Variants in TICAM1 observed in about 807,000 individuals in gnomAD.
TICAM1 encodes TIR domain-containing adapter molecule 1.
For synonymous variants in TICAM1, 439 were observed against 415.4 expected (o/e 1.06, Z -0.69); for missense variants, 895 against 938.2 (o/e 0.95, Z 0.60).
chr19:4,830,338 A>G (rs2093612081), intron 1 of TICAM1, among the ~76,000 whole-genome samples: 1 of 151,898 alleles, frequency 6.6e-6, no homozygotes, highest in Non-Finnish European at 1.5e-5. Flanking sequence ...TCAGCCTCCC[A>G]AAGTGTTGGG....
At chr19:4,821,030 T>TTAA (rs1555730621) in intron 1 of TICAM1, among the ~76,000 whole-genome samples, 1 of 140,498 alleles carries the variant, frequency 7.1e-6, no homozygotes, top group African/African-American at 2.6e-5. Context: ...CCGTCTCTAG[T>TTAA]AAAAAAAAAA....
intron 1 of TICAM1, among the ~76,000 whole-genome samples, chr19:4,819,404 G>A (rs533148979): frequency 6.6e-6 from 1 of 152,316 alleles, no homozygotes; most frequent in East Asian, 1.9e-4. Context: ...CTTGCCCAAA[G>A]TCACACTATC....
In TICAM1 at chr19:4,821,002, G is replaced by A. The variant is rs974458922; in HGVS notation, c.-139-2486C>T. On this transcript the variant is annotated intron_variant, in intron 1 of 1. Transcript: ENST00000248244. ...AGGTCATGAGTTCAAGATCAGCCTG[G>A]TCAACACGGTGAAACTCCCGTCTCT... Among the ~76,000 whole-genome samples, 13 of 145,552 alleles carry A rather than the reference G, an allele frequency of 8.9e-5. No individual in the cohort carries two copies. In the South Asian group the frequency reaches 1.1e-3, roughly 12 times the overall value.
At chr19:4,826,330 T>C (rs1425050029) in intron 1 of TICAM1, among the ~76,000 whole-genome samples, 2 of 151,558 alleles carry the variant, frequency 1.3e-5, no homozygotes, top group African/African-American at 4.8e-5. Context: ...TATTTATTTA[T>C]TTATATATTT....
chr19:4,816,746 C>CTGT lies in TICAM1; in HGVS notation c.1629_1631dup (p.Gln544dup), dbSNP rs1568365020. On this transcript the variant is annotated inframe_insertion, in exon 2 of 2. Transcript: ENST00000248244. This position sits in a 1 kb window ranked among gnomAD's most constrained non-coding sequence, Gnocchi z 4.3. ...TCTGTTCCCGCAGGGCTCGGGTGTC[C>CTGT]TGTTCCTTCCTCCACATGGCCTTTC... 6 of 1,613,804 alleles carry CTGT rather than the reference C, an allele frequency of 3.7e-6. No individual in the cohort carries two copies. In the South Asian group the frequency reaches 6.6e-5, roughly 18 times the overall value.
Position 4,816,221 on chromosome 19 carries a change from T to C in TICAM1, c.*18A>G. 6.7e-7 allele frequency: 1 copy of C among 1,493,600 alleles called. No individual in the cohort carries two copies. The highest frequency in any genetic ancestry group is 2.2e-4 in the Middle Eastern group (1 of 4,478). 92.5% of individuals were successfully genotyped at this position (1,493,600 alleles called of 1,614,324 possible). A position where few individuals can be genotyped will look rare whatever the true frequency, so the allele number is the denominator to read the frequency against. Reference sequence around the variant, plus strand: ...GGGTCCAGGGGTGTTCCCCAGGTGGTCAGGCAAGGACACGCGGTCATTCTG... The same window carrying C: ...GGGTCCAGGGGTGTTCCCCAGGTGGCCAGGCAAGGACACGCGGTCATTCTG... On this transcript the variant is annotated 3_prime_UTR_variant, in exon 2 of 2. Coordinates refer to ENST00000248244, the MANE Select transcript of TICAM1 (RefSeq NM_182919.4). The surrounding 1 kb of genome is among the most constrained non-coding windows in gnomAD (Gnocchi z 4.3).
chr19:4,829,968 G>A (rs1198276094), intron 1 of TICAM1, among the ~76,000 whole-genome samples: 2 of 150,560 alleles, frequency 1.3e-5, no homozygotes, highest in Admixed American at 6.6e-5. Context: ...GCACCACCAC[G>A]CCCCGCTAAT....
At chr19:4,821,019 CCCGTCT>C (rs1345144715) in intron 1 of TICAM1, among the ~76,000 whole-genome samples, 2 of 132,050 alleles carry the variant, frequency 1.5e-5, no homozygotes, top group Non-Finnish European at 3.1e-5. Flanking sequence ...CGGTGAAACT[CCCGTCT>C]CTAGTAAAAA....
At chr19:4,824,254 C>G (rs376300353) in intron 1 of TICAM1, among the ~76,000 whole-genome samples, 2 of 152,130 alleles carry the variant, frequency 1.3e-5, no homozygotes, top group Non-Finnish European at 2.9e-5. Context: ...AGCTATCTGC[C>G]TGCCTCAGCC....
intron 1 of TICAM1, among the ~76,000 whole-genome samples, chr19:4,823,839 G>A (rs1197171908): frequency 2.0e-5 from 3 of 151,972 alleles, no homozygotes; most frequent in Non-Finnish European, 2.9e-5. Flanking sequence ...TAAGCCATCC[G>A]GGCTGGGGCA....
intron 1 of TICAM1, among the ~76,000 whole-genome samples, chr19:4,820,601 A>G (rs1167092744): frequency 6.6e-6 from 1 of 151,752 alleles, no homozygotes; most frequent in African/African-American, 2.4e-5. Context: ...GCGGTGGCTC[A>G]TGCCTGTAAT....
At chr19:4,829,066 C>T (rs1475242514) in intron 1 of TICAM1, among the ~76,000 whole-genome samples, 1 of 152,024 alleles carries the variant, frequency 6.6e-6, no homozygotes, top group Admixed American at 6.6e-5. Flanking sequence ...AACTCCTGAC[C>T]TCAATCGATC....
chr19:4,821,058 TG>T (rs1026728755), intron 1 of TICAM1, among the ~76,000 whole-genome samples: 3 of 145,822 alleles, frequency 2.1e-5, no homozygotes, highest in Non-Finnish European at 4.5e-5. Flanking sequence ...TTGCCAGACA[TG>T]GTGTTGGGCA....
rs1487687007 is a variant in TICAM1, at chr19:4,816,164, C to T, written c.*75G>A. On this transcript the variant is annotated 3_prime_UTR_variant, in exon 2 of 2. Coordinates refer to ENST00000248244, the MANE Select transcript of TICAM1 (RefSeq NM_182919.4). The surrounding 1 kb of genome is among the most constrained non-coding windows in gnomAD (Gnocchi z 4.3). Reference sequence around the variant, plus strand: ...ACTGTCCACAGGGCACAGGGCAGACCGGGGTGCTCTATGGGGTCCTGGCCG... The same window carrying T: ...ACTGTCCACAGGGCACAGGGCAGACTGGGGTGCTCTATGGGGTCCTGGCCG... The T allele has an allele frequency of 7.6e-6, 11 of 1,441,672 alleles. No individual in the cohort carries two copies. Among genetic ancestry groups the T allele is most frequent in the Non-Finnish European group, 9.1e-6 (10 of 1,103,084 alleles). The allele number at this position is 1,441,672 out of a possible 1,614,324, so 89.3% of individuals were successfully genotyped here. A position where few individuals can be genotyped will look rare whatever the true frequency, so the allele number is the denominator to read the frequency against.
intron 1 of TICAM1, among the ~76,000 whole-genome samples, chr19:4,821,008 A>G (rs2093596395): frequency 6.9e-6 from 1 of 145,090 alleles, no homozygotes; most frequent in Admixed American, 7.2e-5. Flanking sequence ...CCTGGTCAAC[A>G]CGGTGAAACT....
At chr19:4,831,193 G>A (rs1292051284) in intron 1 of TICAM1, among the ~76,000 whole-genome samples, 1 of 151,886 alleles carries the variant, frequency 6.6e-6, no homozygotes, top group Admixed American at 6.6e-5. Flanking sequence ...TGGGTGTCAG[G>A]GAGAAATTCA....
rs925405032 is a variant in TICAM1 at position 4,817,058 on chromosome 19, G to A, written c.1320C>T (p.Ser440=). The part of the protein sequence containing the change: ...DFQVPGRGEL[S]CLQDAIDHSA... Reference sequence around the variant, plus strand: ...AGTGGTCTATGGCGTCCTGCAGGCAGCTCAGCTCCCCGCGCCCCGGCACCT... The same window carrying A: ...AGTGGTCTATGGCGTCCTGCAGGCAACTCAGCTCCCCGCGCCCCGGCACCT... The change falls in exon 2 of 2, where the codon AGC becomes AGT. Residue 440 remains serine, a synonymous_variant. Coordinates refer to ENST00000248244, the MANE Select transcript of TICAM1 (RefSeq NM_182919.4). The surrounding 1 kb of genome is among the most constrained non-coding windows in gnomAD (Gnocchi z 4.7). 1.2e-6 allele frequency: 2 copies of A among 1,614,130 alleles called. No homozygotes were observed. Among genetic ancestry groups the A allele is most frequent in the Non-Finnish European group, 1.7e-6 (2 of 1,180,034 alleles).
Position 4,816,343 on chromosome 19 carries a change from G to A in TICAM1, c.2035C>T (p.Leu679Phe), listed in dbSNP as rs766300346. The A allele has an allele frequency of 6.3e-7, 1 of 1,583,346 alleles. No individual in the cohort carries two copies. The highest frequency in any genetic ancestry group is 1.2e-5 in the South Asian group (1 of 86,604). Residue 679 changes from leucine (L) to phenylalanine (F), a missense_variant, in exon 2 of 2, where the codon CTC becomes TTC. Leu to Phe is a conservative substitution (Grantham distance 22, BLOSUM62 0). Coordinates refer to ENST00000248244, the MANE Select transcript of TICAM1 (RefSeq NM_182919.4). This position sits in a 1 kb window ranked among gnomAD's most constrained non-coding sequence, Gnocchi z 4.3. ...ACCATCTGTGCGTGGTGGATAATGA[G>A]GGGTTGCAGCCCTGGGCTCTGAGGG... Reference protein sequence around the residue: ...APPQSPGLQPLIIHHAQMVQL... With the variant: ...APPQSPGLQPFIIHHAQMVQL...
At position 4,818,808 on chromosome 19, in the gene TICAM1, A is replaced by G. The variant is rs1019227777; in HGVS notation, c.-139-292T>C. ...AACACAGCCAGACTCCGTCTCCACT[A>G]AAAGTTTAAAAATTAGCTGGGCTGG... On this transcript the variant is annotated intron_variant, in intron 1 of 1. Transcript: ENST00000248244. This position sits in a 1 kb window ranked among gnomAD's most constrained non-coding sequence, Gnocchi z 4.0. Among the ~76,000 whole-genome samples, 1 of 152,092 alleles carries G rather than the reference A, an allele frequency of 6.6e-6. No homozygotes were observed. The highest frequency in any genetic ancestry group is 1.5e-5 in the Non-Finnish European group (1 of 68,020).
Sources: gnomAD v4.1 joint callset for allele counts (sites outside exome capture counted in the v4.1 genomes callset) on GRCh38, gnomAD v4.1.1 for gene constraint, Gnocchi (gnomAD v3.1) non-coding constraint, MANE v1.5 for transcripts, NCBI Gene and HGNC (gene_info 2026-07-23, HGNC 2026-07-21) for gene names.